AMPH: variants seen among roughly 807,000 people sequenced by gnomAD.
The protein encoded by AMPH is amphiphysin.
In AMPH, 49 loss-of-function variants were observed where a neutral mutation model predicts 99.1. That is an observed-to-expected ratio of 0.49 (90% CI 0.39 to 0.63). The LOEUF is 0.63. Ranked by LOEUF, AMPH falls within the 20% of genes least tolerant of loss-of-function variation. AMPH has a pLI of 0.00. For missense variants in AMPH, 759 were observed against 863.4 expected (o/e 0.88, Z 1.52); for synonymous variants, 314 against 317.3 (o/e 0.99, Z 0.11).
At chr7:38,603,559 T>A (rs1419609888) in intron 1 of AMPH, among the ~76,000 whole-genome samples, 1 of 152,202 alleles carries the variant, frequency 6.6e-6, no homozygotes, top group Non-Finnish European at 1.5e-5. Context: ...AAGCTACAGC[T>A]ACGAACGTAC....
At chr7:38,619,622 C>T (rs1793987961) in intron 1 of AMPH, among the ~76,000 whole-genome samples, 1 of 152,202 alleles carries the variant, frequency 6.6e-6, no homozygotes, top group Non-Finnish European at 1.5e-5. Flanking sequence ...AGGCCATATG[C>T]TAGACTATAA....
chr7:38,404,926 C>T (rs186960425), intron 17 of AMPH, among the ~76,000 whole-genome samples: 6 of 152,144 alleles, frequency 3.9e-5, no homozygotes, highest in African/African-American at 9.6e-5. Flanking sequence ...CCAAGATCAA[C>T]ACTAAAGAAA....
chr7:38,388,888 C>T (rs1202590966), intron 20 of AMPH, among the ~76,000 whole-genome samples: 2 of 152,224 alleles, frequency 1.3e-5, no homozygotes, highest in East Asian at 1.9e-4. Context: ...AAGTGATCCT[C>T]CTGCCTTGGC....
chr7:38,483,894 G>T (rs573175301), intron 5 of AMPH, among the ~76,000 whole-genome samples: 1 of 151,964 alleles, frequency 6.6e-6, no homozygotes, highest in Admixed American at 6.6e-5. Flanking sequence ...TAATGTATCC[G>T]CAAAGTGAGA....
chr7:38,504,158 C>T (rs1209930613), intron 2 of AMPH, among the ~76,000 whole-genome samples: 1 of 152,026 alleles, frequency 6.6e-6, no homozygotes, highest in African/African-American at 2.4e-5. Flanking sequence ...ACCAGAAAAA[C>T]CTCATTAATT....
rs1236090349 is a variant in AMPH, at chr7:38,571,460, T to C, written c.70-36449A>G. Among the ~76,000 whole-genome samples the C allele has an allele frequency of 2.3e-3, 294 of 128,782 alleles. 4 individuals carry two copies. Among genetic ancestry groups the C allele is most frequent in the African/African-American group, 7.5e-3 (256 of 34,050 alleles). 84.5% of individuals were successfully genotyped at this position (128,782 alleles called of 152,430 possible). A position where few individuals can be genotyped will look rare whatever the true frequency, so the allele number is the denominator to read the frequency against. On this transcript the variant is annotated intron_variant, in intron 1 of 20. Transcript: ENST00000356264. The stretch of plus-strand genomic sequence containing the variant: ...ATATAGAATATATTTATATAGAATA[T>C]ATGGAATATATTCTATAAAATATAT...
chr7:38,610,773 T>C (rs1392441343), intron 1 of AMPH, among the ~76,000 whole-genome samples: 3 of 152,152 alleles, frequency 2.0e-5, no homozygotes, highest in Non-Finnish European at 4.4e-5. Flanking sequence ...AAAAGGAATG[T>C]AAAACATTTA....
chr7:38,416,102 A>AATATATATATATATAT lies in AMPH; in HGVS notation c.1398+1707_1398+1722dup, dbSNP rs5883648. Among the ~76,000 whole-genome samples, 225 of 100,470 alleles carry AATATATATATATATAT rather than the reference A, an allele frequency of 2.2e-3. 8 individuals are homozygous for AATATATATATATATAT. The highest frequency in any genetic ancestry group is 5.0e-3 in the African/African-American group (139 of 27,838). 65.9% of individuals were successfully genotyped at this position (100,470 alleles called of 152,430 possible). ...AGTTTAAACAATGATCAAACATATG[A>AATATATATATATATAT]ATATATATATATATATATATATATT... On this transcript the variant is annotated intron_variant, in intron 17 of 20. Coordinates refer to ENST00000356264, the MANE Select transcript of AMPH (RefSeq NM_001635.4).
At chr7:38,389,628 A>C (rs1158557801) in intron 20 of AMPH, among the ~76,000 whole-genome samples, 176 bp downstream of exon 20, 1 of 152,254 alleles carries the variant, frequency 6.6e-6, no homozygotes, top group African/African-American at 2.4e-5. Context: ...ACAGCATCCC[A>C]AAAGGGTGTC....
At chr7:38,460,465 T>C (rs1787396959) in intron 11 of AMPH, among the ~76,000 whole-genome samples, 1 of 152,136 alleles carries the variant, frequency 6.6e-6, no homozygotes, top group African/African-American at 2.4e-5. Context: ...GGCAAATGGA[T>C]ATAGAAAATG....
intron 12 of AMPH, among the ~76,000 whole-genome samples, chr7:38,432,668 T>C (rs1335300721): frequency 1.3e-5 from 2 of 151,898 alleles, no homozygotes; most frequent in Non-Finnish European, 2.9e-5. Flanking sequence ...TTAGAGCTTG[T>C]CACATCTTTG....
intron 2 of AMPH, among the ~76,000 whole-genome samples, chr7:38,516,132 T>C (rs1379150112): frequency 6.6e-6 from 1 of 152,190 alleles, no homozygotes; most frequent in Non-Finnish European, 1.5e-5. Context: ...GAAAAACCCA[T>C]TTTCTGGAGA....
At chr7:38,487,878 C>T (rs1394375217) in intron 5 of AMPH, among the ~76,000 whole-genome samples, 1 of 152,210 alleles carries the variant, frequency 6.6e-6, no homozygotes, top group Non-Finnish European at 1.5e-5. Flanking sequence ...TGAACAGACA[C>T]TTCTCAAAAG....
intron 6 of AMPH, 57 bp from the exon 7 acceptor site, chr7:38,475,473 A>G (rs1788046094): frequency 2.7e-6 from 3 of 1,110,972 alleles, no homozygotes; most frequent in African/African-American, 1.6e-5. Flanking sequence ...TATACACAAC[A>G]GCATCATTTA....
At chr7:38,481,736 G>C (rs930629952) in intron 5 of AMPH, among the ~76,000 whole-genome samples, 1 of 152,052 alleles carries the variant, frequency 6.6e-6, no homozygotes, top group Non-Finnish European at 1.5e-5. Context: ...TTGGAAATTT[G>C]CCTGAGGTTT....
chr7:38,593,887 G>A (rs1792950676), intron 1 of AMPH, among the ~76,000 whole-genome samples: 1 of 152,186 alleles, frequency 6.6e-6, no homozygotes, highest in Admixed American at 6.5e-5. Flanking sequence ...AACAGACAAA[G>A]CTGGCGGGAG....
intron 11 of AMPH, among the ~76,000 whole-genome samples, chr7:38,460,499 G>GAC (rs1206638234): frequency 6.6e-6 from 1 of 151,962 alleles, no homozygotes; most frequent in African/African-American, 2.4e-5. Flanking sequence ...CAATGGTATA[G>GAC]ACACACACAC....
intron 2 of AMPH, among the ~76,000 whole-genome samples, chr7:38,510,172 C>T (rs12672949): frequency 0.11 from 16,069 of 152,108 alleles, 1,239 homozygotes; most frequent in East Asian, 0.28. Context: ...TGCAGTTTCC[C>T]CCCGTGGCCT....
intron 1 of AMPH, among the ~76,000 whole-genome samples, chr7:38,551,114 G>T (rs998663726): frequency 2.5e-4 from 38 of 152,120 alleles, no homozygotes; most frequent in African/African-American, 8.4e-4. Flanking sequence ...GCTGCACCTG[G>T]TTTTGGATTT....
Sources: allele counts gnomAD v4.1 joint callset (sites outside exome capture counted in the v4.1 genomes callset), GRCh38; gene constraint gnomAD v4.1.1; transcripts MANE v1.5; gene names NCBI Gene and HGNC (gene_info 2026-07-23, HGNC 2026-07-21).